WIPF3: variants seen among roughly 807,000 people sequenced by gnomAD.
WIPF3 encodes WAS/WASL interacting protein family member 3.
A neutral mutation model predicts 38.9 loss-of-function variants in WIPF3; 33 were observed. The observed-to-expected ratio is 0.85, with a 90% CI of 0.64 to 1.14. The LOEUF is 1.14. Ranked by LOEUF, WIPF3 falls within the 50% of genes most tolerant of loss-of-function variation. The pLI, the probability that WIPF3 is intolerant of heterozygous loss-of-function variation, is 0.00. For missense variants in WIPF3, 711 were observed against 652.5 expected (o/e 1.09, Z -0.98); for synonymous variants, 324 against 269.3 (o/e 1.20, Z -1.99).
intron 7 of WIPF3, among the ~76,000 whole-genome samples, chr7:29,900,097 C>G (rs962906655): frequency 2.0e-5 from 3 of 151,982 alleles, no homozygotes; most frequent in Non-Finnish European, 4.4e-5. Flanking sequence ...GCCACCACGC[C>G]CAGCTAATTT....
Position 29,806,591 on chromosome 7 carries a change from G to C in WIPF3, c.-145G>C, listed in dbSNP as rs1242804699. 6.6e-6 allele frequency: 1 copy of C among 151,540 alleles called. No individual in the cohort carries two copies. The highest frequency in any genetic ancestry group is 1.5e-5 in the Non-Finnish European group (1 of 67,938). 9.4% of individuals were successfully genotyped at this position (151,540 alleles called of 1,614,324 possible). A position where few individuals can be genotyped will look rare whatever the true frequency, so the allele number is the denominator to read the frequency against. The stretch of plus-strand genomic sequence containing the variant: ...GCGCCGCTTGGAGCACGGGCGCTGC[G>C]GGACGGAGCCCGGAGCCGGAGGCGG... On this transcript the variant is annotated 5_prime_UTR_variant, in exon 1 of 9. Transcript: ENST00000242140.
chr7:29,887,523 A>T (rs1161747446), intron 5 of WIPF3, among the ~76,000 whole-genome samples: 1 of 152,230 alleles, frequency 6.6e-6, no homozygotes, highest in African/African-American at 2.4e-5. Flanking sequence ...GAGGGCACGT[A>T]AGATTTAGGT....
intron 8 of WIPF3, among the ~76,000 whole-genome samples, chr7:29,911,312 T>C (rs992097228): frequency 1.3e-5 from 2 of 152,200 alleles, no homozygotes; most frequent in Admixed American, 6.5e-5. Flanking sequence ...GAAGACATTA[T>C]TGTTAAGATG....
At chr7:29,825,058 C>T (rs1244503110) in intron 1 of WIPF3, among the ~76,000 whole-genome samples, 7 of 152,076 alleles carry the variant, frequency 4.6e-5, no homozygotes, top group East Asian at 1.9e-4. Context: ...GTACGTACAA[C>T]GTGAAAAGTT....
In WIPF3 at chr7:29,890,368, AAAAAGAGAG is replaced by A. The variant is rs746223158; in HGVS notation, c.1351+963_1351+971del. Among the ~76,000 whole-genome samples, 2 of 22,056 alleles carry A rather than the reference AAAAAGAGAG, an allele frequency of 9.1e-5. 1 individual carries two copies. Among genetic ancestry groups the A allele is most frequent in the Non-Finnish European group, 2.6e-4 (2 of 7,690 alleles). 14.5% of individuals were successfully genotyped at this position (22,056 alleles called of 152,430 possible). A position where few individuals can be genotyped will look rare whatever the true frequency, so the allele number is the denominator to read the frequency against. ...CTCTGTATCCACAAAAAAAAAAAAA[AAAAAGAGAG>A]AGAGAGAATGAGGTGATGAGGTGGA... On this transcript the variant is annotated intron_variant, in intron 7 of 8. Coordinates refer to ENST00000242140, the MANE Select transcript of WIPF3 (RefSeq NM_001080529.3).
chr7:29,911,817 A>T lies in WIPF3; in HGVS notation c.1429-2676A>T, dbSNP rs10267608. Among the ~76,000 whole-genome samples, 287 of 152,226 alleles carry T rather than the reference A, an allele frequency of 1.9e-3. 2 individuals carry two copies. The highest frequency in any genetic ancestry group is 2.9e-4 in the Non-Finnish European group (20 of 67,980). ...CGAAGACCTAAATGTAGGACCTGAA[A>T]CTGTAAAACTCTTAGGAGAAAACAC... On this transcript the variant is annotated intron_variant, in intron 8 of 8. Transcript: ENST00000242140.
chr7:29,858,734 C>CTACTG (rs1383471167), intron 2 of WIPF3, among the ~76,000 whole-genome samples: 2 of 152,182 alleles, frequency 1.3e-5, no homozygotes, highest in African/African-American at 2.4e-5. Flanking sequence ...TAAACAGATG[C>CTACTG]TACTGTACTT....
intron 2 of WIPF3, among the ~76,000 whole-genome samples, chr7:29,868,973 T>C (rs1785442038): frequency 1.3e-5 from 2 of 152,158 alleles, no homozygotes; most frequent in African/African-American, 4.8e-5. Context: ...CACATGTACA[T>C]ACACCCCCCA....
At position 29,878,855 on chromosome 7, in the gene WIPF3, G is replaced by T. The variant is rs1290194284; in HGVS notation, c.224-154G>T. Among the ~76,000 whole-genome samples, 1 of 152,172 alleles carries T rather than the reference G, an allele frequency of 6.6e-6. No homozygotes were observed. Among genetic ancestry groups the T allele is most frequent in the Non-Finnish European group, 1.5e-5 (1 of 68,040 alleles). ...GGGTATCAAGGCAGAGGGTGCTTGG[G>T]GAGGATGCTGAGTGAAAGGATGACA... On this transcript the variant is annotated intron_variant, in intron 3 of 8. Coordinates refer to ENST00000242140, the MANE Select transcript of WIPF3 (RefSeq NM_001080529.3). This position sits in a 1 kb window ranked among gnomAD's most constrained non-coding sequence, Gnocchi z 4.0.
At chr7:29,910,371 C>T (rs1392849937) in intron 8 of WIPF3, among the ~76,000 whole-genome samples, 1 of 152,170 alleles carries the variant, frequency 6.6e-6, no homozygotes, top group African/African-American at 2.4e-5. Context: ...AACCCAATCC[C>T]TCTAAAAGCT....
chr7:29,885,949 A>G (rs1785867141), intron 5 of WIPF3, among the ~76,000 whole-genome samples: 1 of 152,196 alleles, frequency 6.6e-6, no homozygotes, highest in African/African-American at 2.4e-5. Context: ...CATTTTTCAC[A>G]TACAGTTTTG....
chr7:29,858,765 G>C (rs539275338), intron 2 of WIPF3, among the ~76,000 whole-genome samples: 6 of 152,238 alleles, frequency 3.9e-5, no homozygotes, highest in African/African-American at 1.4e-4. Flanking sequence ...GTTTGAGGTG[G>C]CCCCATTTTA....
chr7:29,904,317 A>G lies in WIPF3; in HGVS notation c.1383A>G (p.Glu461=), dbSNP rs144392113. 2.1e-4 allele frequency: 343 copies of G among 1,613,968 alleles called. No individual in the cohort carries two copies. In the African/African-American group the frequency reaches 4.1e-3, roughly 19 times the overall value. Residue 461 remains glutamate (E), a synonymous_variant, in exon 8 of 9, where the codon GAA becomes GAG. Coordinates refer to ENST00000242140, the MANE Select transcript of WIPF3 (RefSeq NM_001080529.3). ...SRTPGPWLQA[E]AVGQSSDDIK... is the part of the protein sequence containing the mutation. ...CACCTGGTCCCTGGCTCCAAGCGGAAGCAGTCGGGCAGAGCTCTGATGACA... is the reference window on the plus strand; with the variant it reads ...CACCTGGTCCCTGGCTCCAAGCGGAGGCAGTCGGGCAGAGCTCTGATGACA...
intron 7 of WIPF3, among the ~76,000 whole-genome samples, chr7:29,891,954 C>T (rs1157741832): frequency 6.6e-6 from 1 of 152,130 alleles, no homozygotes; most frequent in African/African-American, 2.4e-5. Context: ...ATCTGTCCCA[C>T]GTGGTACATC....
At chr7:29,836,969 T>C (rs1344240167) in intron 2 of WIPF3, among the ~76,000 whole-genome samples, 3 of 145,580 alleles carry the variant, frequency 2.1e-5, no homozygotes, top group East Asian at 2.2e-4. Context: ...CCAGCCTGGG[T>C]GACAGAGTGA....
chr7:29,814,833 A>G (rs1203891005), intron 1 of WIPF3, among the ~76,000 whole-genome samples: 1 of 152,214 alleles, frequency 6.6e-6, no homozygotes, highest in African/African-American at 2.4e-5. Context: ...GTACATCAGT[A>G]TTGAAACACC....
intron 8 of WIPF3, 194 bp downstream of exon 8, chr7:29,904,556 A>G: frequency 1.7e-6 from 1 of 578,872 alleles, no homozygotes. Flanking sequence ...GAAGTGTGAC[A>G]AAAGGGGGCT....
chr7:29,884,011 G>A lies in WIPF3; in HGVS notation c.517G>A (p.Ala173Thr). 1.4e-6 allele frequency: 2 copies of A among 1,430,656 alleles called. No homozygotes were observed. Among genetic ancestry groups the A allele is most frequent in the Non-Finnish European group, 9.2e-7 (1 of 1,084,352 alleles). 88.6% of individuals were successfully genotyped at this position (1,430,656 alleles called of 1,614,324 possible). ...RTAPPRPNVPAPPPPTPPPPP... is the reference protein window; with the variant it reads ...RTAPPRPNVPTPPPPTPPPPP... ...AGCCCCGCCTCGCCCCAACGTGCCTGCCCCGCCCCCTCCCACCCCACCCCC... is the reference window on the plus strand; with the variant it reads ...AGCCCCGCCTCGCCCCAACGTGCCTACCCCGCCCCCTCCCACCCCACCCCC... The change falls in exon 5 of 9, where the codon GCC becomes ACC. Residue 173 changes from alanine to threonine, a missense_variant. By Grantham distance (58) the Ala-to-Thr change is moderately conservative. Transcript: ENST00000242140.
At chr7:29,883,772 T>G in intron 4 of WIPF3, 78 bp from the exon 5 acceptor site, 2 of 1,485,876 alleles carry the variant, frequency 1.3e-6, no homozygotes, top group Admixed American at 2.5e-5. Context: ...CAGGCTTGAG[T>G]GTCCTGAGTG....
Sources: gnomAD v4.1 joint callset for allele counts (sites outside exome capture counted in the v4.1 genomes callset) on GRCh38, gnomAD v4.1.1 for gene constraint, Gnocchi (gnomAD v3.1) non-coding constraint, MANE v1.5 for transcripts, NCBI Gene and HGNC (gene_info 2026-07-23, HGNC 2026-07-21) for gene names.